Variants in ZMIZ2 observed in about 807,000 individuals in gnomAD.
ZMIZ2 encodes zinc finger MIZ-type containing 2.
Under a neutral mutation model 93.9 loss-of-function variants are expected in ZMIZ2, and 26 were observed. The observed-to-expected ratio is 0.28, with a 90% CI of 0.20 to 0.38. The LOEUF is 0.38. Among genes scored for constraint, ZMIZ2 ranks in the 10% least tolerant of loss-of-function variants. The probability of loss-of-function intolerance (pLI) is 1.00; values close to 1 mark genes in which losing one functional copy is unlikely to be tolerated. For synonymous variants in ZMIZ2, 485 were observed against 516.4 expected, an observed-to-expected ratio of 0.94 and a Z score of 0.82; for missense variants, 1,023 against 1,235.0, an observed-to-expected ratio of 0.83 and a Z score of 2.57.
At chr7:44,759,925 G>T (rs1025294371) in intron 7 of ZMIZ2, 22 of 569,710 alleles carry the variant, frequency 3.9e-5, no homozygotes, top group Non-Finnish European at 6.5e-5. Context: ...CTTGGGGGAG[G>T]AGAGGAGGAG....
At chr7:44,756,123 T>C in intron 1 of ZMIZ2, 65 bp from the exon 2 acceptor site, 1 of 1,363,864 alleles carries the variant, frequency 7.3e-7, no homozygotes, top group Non-Finnish European at 1.0e-6. Context: ...CCGGGGTCCC[T>C]CCACCCTGCT....
intron 5 of ZMIZ2, 102 bp downstream of exon 5, chr7:44,757,663 C>A: frequency 6.8e-7 from 1 of 1,465,032 alleles, no homozygotes; most frequent in Non-Finnish European, 9.0e-7. Context: ...ATGGAATATG[C>A]CAGGGCTCAT....
At chr7:44,762,134 G>A (rs1348182891) in intron 11 of ZMIZ2, among the ~76,000 whole-genome samples, 1 of 152,250 alleles carries the variant, frequency 6.6e-6, no homozygotes, top group African/African-American at 2.4e-5. Context: ...CCCCTTGCAG[G>A]GTGGAGAGCA....
rs1331525904 is a variant in ZMIZ2, at chr7:44,756,199, G to A, written c.-51G>A. The stretch of plus-strand genomic sequence containing the variant: ...TTCCTGTCGGGCAGCCAGAGCAGCT[G>A]AGTTCCAGATAAAAACTGTCAGACC... On this transcript the variant is annotated 5_prime_UTR_variant, in exon 2 of 19. Coordinates refer to ENST00000309315, the MANE Select transcript of ZMIZ2 (RefSeq NM_031449.4). The A allele has an allele frequency of 6.8e-6, 11 of 1,613,344 alleles. No homozygotes were observed. Among genetic ancestry groups the A allele is most frequent in the Non-Finnish European group, 9.3e-6 (11 of 1,179,604 alleles).
rs1790943661 is a variant in ZMIZ2, at chr7:44,759,452, C to T, written c.985C>T (p.His329Tyr). 4 of 1,543,174 alleles carry T rather than the reference C, an allele frequency of 2.6e-6. No homozygotes were observed. Among genetic ancestry groups the T allele is most frequent in the African/African-American group, 1.4e-5 (1 of 71,516 alleles). The change falls in exon 7 of 19, where the codon CAT (histidine) becomes TAT (tyrosine). Residue 329 changes from histidine to tyrosine, a missense_variant. By Grantham distance (83) the His-to-Tyr change is moderately conservative (BLOSUM62 2). Transcript: ENST00000309315. ...GTCCGTGCCTGGCCCCACGGGACTG[C>T]ATTATAAGGTAGGGCAGGCTCCTCC... ...SLSVPGPTGL[H>Y]YKPTEQFNGQ...
chr7:44,766,701 C>T lies in ZMIZ2; in HGVS notation c.2655+38C>T, dbSNP rs1275716572. The T allele has an allele frequency of 1.9e-6, 3 of 1,606,884 alleles. No homozygotes were observed. The South Asian group carries it at 3.3e-5, about 18-fold the overall frequency. ...CCCCATGCGGGGGAGTGCGTGGGAG[C>T]CAGGGCTAGAGGTGGTGTGTCTGTT... On this transcript the variant is annotated intron_variant, in intron 18 of 18. Transcript: ENST00000309315. The surrounding 1 kb of genome is among the most constrained non-coding windows in gnomAD (Gnocchi z 4.4).
rs1365489975 is a variant in ZMIZ2 at position 44,763,280 on chromosome 7, C to T, written c.1727C>T (p.Thr576Ile). 1 of 1,613,934 alleles carries T rather than the reference C, an allele frequency of 6.2e-7. No individual in the cohort carries two copies. Among genetic ancestry groups the T allele is most frequent in the African/African-American group, 1.3e-5 (1 of 74,870 alleles). The part of the protein sequence containing the change: ...TKIKRNFSSG[T>I]IPGTPGPNGE... ...GTAAAGCGGAACTTCAGCAGCGGCA[C>T]CATCCCTGGCACCCCTGGGCCCAAC... Residue 576 changes from threonine (T) to isoleucine (I), a missense_variant, in exon 13 of 19, where the codon ACC becomes ATC. By Grantham distance (89) the Thr-to-Ile change is moderately conservative. This residue lies in a region of ZMIZ2 where 48 missense variants were observed against 99.1 expected (regional missense o/e 0.48). Coordinates refer to ENST00000309315, the MANE Select transcript of ZMIZ2 (RefSeq NM_031449.4). This position sits in a 1 kb window ranked among gnomAD's most constrained non-coding sequence, Gnocchi z 5.6.
At chr7:44,764,119 CAG>C (rs1343603728) in intron 13 of ZMIZ2, among the ~76,000 whole-genome samples, 8 of 152,184 alleles carry the variant, frequency 5.3e-5, no homozygotes, top group Non-Finnish European at 7.3e-5. Flanking sequence ...GCCTGGGTGA[CAG>C]AGCGAGACTC....
At chr7:44,759,245 T>A in intron 6 of ZMIZ2, 36 bp from the exon 7 acceptor site, 1 of 1,456,944 alleles carries the variant, frequency 6.9e-7, no homozygotes, top group East Asian at 2.7e-5. Context: ...CCCTGATGCC[T>A]TTTTTCTCCC....
chr7:44,763,566 G>T lies in ZMIZ2; in HGVS notation c.1860+153G>T, dbSNP rs1791411468. ...CCTCCCACGCCAAGGAGGCAGGTGGGCCTGGCTCCCCCAAGACTAGGCTAT... is the reference window on the plus strand; with the variant it reads ...CCTCCCACGCCAAGGAGGCAGGTGGTCCTGGCTCCCCCAAGACTAGGCTAT... On this transcript the variant is annotated intron_variant, in intron 13 of 18. Coordinates refer to ENST00000309315, the MANE Select transcript of ZMIZ2 (RefSeq NM_031449.4). This position sits in a 1 kb window ranked among gnomAD's most constrained non-coding sequence, Gnocchi z 5.6. 9.4e-7 allele frequency: 1 copy of T among 1,058,420 alleles called. No homozygotes were observed. Among genetic ancestry groups the T allele is most frequent in the African/African-American group, 1.6e-5 (1 of 62,306 alleles). The allele number at this position is 1,058,420 out of a possible 1,614,324, so 65.6% of individuals were successfully genotyped here. A position where few individuals can be genotyped will look rare whatever the true frequency, so the allele number is the denominator to read the frequency against.
At chr7:44,753,402 G>A (rs1026885939) in intron 1 of ZMIZ2, among the ~76,000 whole-genome samples, 10 of 151,996 alleles carry the variant, frequency 6.6e-5, no homozygotes, top group African/African-American at 2.2e-4. Flanking sequence ...ATGCCACCAC[G>A]CCCAGCTAAT....
rs1052507519 is a variant in ZMIZ2, at chr7:44,763,614, C to G, written c.1860+201C>G. On this transcript the variant is annotated intron_variant, in intron 13 of 18. Transcript: ENST00000309315. This position sits in a 1 kb window ranked among gnomAD's most constrained non-coding sequence, Gnocchi z 5.6. ...TATTTTTTCTTCCAAATATAATTGT[C>G]ATTTTACTAACTTTTTTACTGCCTG... 4.5e-6 allele frequency: 3 copies of G among 668,170 alleles called. No homozygotes were observed. In the South Asian group the frequency reaches 6.7e-5, roughly 15 times the overall value. 41.4% of individuals were successfully genotyped at this position (668,170 alleles called of 1,614,324 possible).
In ZMIZ2 at chr7:44,766,270, C is replaced by T. The variant is rs1791698144; in HGVS notation, c.2349C>T (p.Tyr783=). ...EFTPGPPPIS[Y]QSDIPSSLLT... is the part of the protein sequence containing the mutation. ...CCCCGGGACCACCCCCCATCTCCTA[C>T]CAGTCTGACATTCCCAGCAGCCTCC... The change falls in exon 17 of 19, where the codon TAC becomes TAT. Residue 783 remains tyrosine (Y), a synonymous_variant. Coordinates refer to ENST00000309315, the MANE Select transcript of ZMIZ2 (RefSeq NM_031449.4). This position sits in a 1 kb window ranked among gnomAD's most constrained non-coding sequence, Gnocchi z 4.4. The T allele has an allele frequency of 1.3e-6, 2 of 1,578,600 alleles. No homozygotes were observed. Among genetic ancestry groups the T allele is most frequent in the East Asian group, 4.6e-5 (2 of 43,654 alleles).
In ZMIZ2 at chr7:44,762,922, C is replaced by T; in HGVS notation, c.1638C>T (p.Val546=). ...TGCAGCTAGTGCACCGCCCATCCGT[C>T]CGCTCGGTGCTGCAGGGCCTCCTCA... is the stretch of plus-strand genomic sequence containing the variant. ...FVLQLVHRPS[V]RSVLQGLLKK... Residue 546 remains valine (V), a synonymous_variant, in exon 12 of 19, where the codon GTC becomes GTT. Transcript: ENST00000309315. 2 of 1,613,160 alleles carry T rather than the reference C, an allele frequency of 1.2e-6. No homozygotes were observed. The highest frequency in any genetic ancestry group is 2.2e-5 in the South Asian group (2 of 91,058).
At chr7:44,749,673 T>C (rs968895180) in intron 1 of ZMIZ2, 27 of 152,454 alleles carry the variant, frequency 1.8e-4, no homozygotes, top group African/African-American at 5.3e-4. Flanking sequence ...GGTGCCTTGT[T>C]TACCCCTCCA....
At chr7:44,749,132 G>C (rs1244729408) in intron 1 of ZMIZ2, 141 bp downstream of exon 1, 1 of 152,166 alleles carries the variant, frequency 6.6e-6, no homozygotes, top group Non-Finnish European at 1.5e-5. Context: ...GGGCGCCCCG[G>C]TTCCGCTGCG....
At position 44,765,736 on chromosome 7, in the gene ZMIZ2, C is replaced by A; in HGVS notation, c.2242+157C>A. On this transcript the variant is annotated intron_variant, in intron 16 of 18. Coordinates refer to ENST00000309315, the MANE Select transcript of ZMIZ2 (RefSeq NM_031449.4). The surrounding 1 kb of genome is among the most constrained non-coding windows in gnomAD (Gnocchi z 4.1). ...AAACATGCCGCGGGGCACCTCCAGC[C>A]CCTCCCATCTCAGGGACGTGGCGGT... The A allele has an allele frequency of 8.4e-7, 1 of 1,193,986 alleles. No individual in the cohort carries two copies. The highest frequency in any genetic ancestry group is 1.1e-6 in the Non-Finnish European group (1 of 873,220). 74.0% of individuals were successfully genotyped at this position (1,193,986 alleles called of 1,614,324 possible).
Position 44,766,507 on chromosome 7 carries a change from C to T in ZMIZ2, c.2499C>T (p.Pro833=), listed in dbSNP as rs754958283. 6 of 1,614,166 alleles carry T rather than the reference C, an allele frequency of 3.7e-6. No individual in the cohort carries two copies. The highest frequency in any genetic ancestry group is 5.1e-6 in the Non-Finnish European group (6 of 1,180,032). ...CCAACCTTGGGGCCCCTCCAGGTCC[C>T]CAGCTGCACCATTCAAACCCTCCCC... ...HTSNLGAPPG[P]QLHHSNPPPA... is the part of the protein sequence containing the mutation. Residue 833 remains proline, a synonymous_variant, in exon 18 of 19, where the codon CCC becomes CCT. Coordinates refer to ENST00000309315, the MANE Select transcript of ZMIZ2 (RefSeq NM_031449.4). This position sits in a 1 kb window ranked among gnomAD's most constrained non-coding sequence, Gnocchi z 4.4.
At chr7:44,755,359 G>A (rs1212929555) in intron 1 of ZMIZ2, among the ~76,000 whole-genome samples, 1 of 152,146 alleles carries the variant, frequency 6.6e-6, no homozygotes, top group Non-Finnish European at 1.5e-5. Context: ...CCCTCTCCTG[G>A]GGGTGTCATG....
Sources: gnomAD v4.1 joint callset for allele counts (sites outside exome capture counted in the v4.1 genomes callset) on GRCh38, gnomAD v4.1.1 for gene constraint, gnomAD v4.1.1 regional missense constraint, Gnocchi (gnomAD v3.1) non-coding constraint, MANE v1.5 for transcripts, NCBI Gene and HGNC (gene_info 2026-07-23, HGNC 2026-07-21) for gene names.